PDE3B: variants seen among roughly 807,000 people sequenced by gnomAD.
PDE3B encodes the protein phosphodiesterase 3B, also known as cGMP-inhibited 3',5'-cyclic phosphodiesterase 3B.
PDE3B carries 66 observed loss-of-function variants against 116.8 expected under a neutral mutation model. The observed-to-expected ratio is 0.56, with a 90% CI of 0.46 to 0.69. The LOEUF (loss-of-function observed/expected upper bound fraction) is 0.69. Ranked by LOEUF, PDE3B falls within the 30% of genes least tolerant of loss-of-function variation. The probability of loss-of-function intolerance (pLI) is 0.00; values close to 1 mark genes in which losing one functional copy is unlikely to be tolerated. For synonymous variants in PDE3B, 595 were observed against 533.6 expected (o/e 1.12, Z -1.59); for missense variants, 1,384 against 1,368.1 (o/e 1.01, Z -0.18).
chr11:14,849,607 C>T (rs1460545093), intron 12 of PDE3B, among the ~76,000 whole-genome samples: 5 of 152,136 alleles, frequency 3.3e-5, no homozygotes, highest in Non-Finnish European at 4.4e-5. Context: ...GGATTAATAT[C>T]CAGAATCTAC....
the PDE3B span, among the ~76,000 whole-genome samples, chr11:14,895,011 CAG>C: frequency 6.6e-6 from 1 of 152,208 alleles, no homozygotes; most frequent in Non-Finnish European, 1.5e-5. Context: ...ATGGTTCTAA[CAG>C]AGAACAGCAA....
chr11:14,669,040 T>G (rs547633014), intron 1 of PDE3B, among the ~76,000 whole-genome samples: 17 of 152,158 alleles, frequency 1.1e-4, no homozygotes, highest in African/African-American at 3.9e-4. Flanking sequence ...GAAGGAATGA[T>G]TTATAAAAGA....
At position 14,728,960 on chromosome 11, in the gene PDE3B, A is replaced by G. The variant is rs1856388034; in HGVS notation, c.979-42977A>G. Among the ~76,000 whole-genome samples, 6 of 152,282 alleles carry G rather than the reference A, an allele frequency of 3.9e-5. No individual in the cohort carries two copies. The South Asian group carries it at 1.2e-3, about 32-fold the overall frequency. On this transcript the variant is annotated intron_variant, in intron 1 of 15. Coordinates refer to ENST00000282096, the MANE Select transcript of PDE3B (RefSeq NM_000922.4). ...ATTTGAAAGCTTAGACAGCTTTTAT[A>G]GCAGTTTGCTTCCAGACCATGCTCA...
At chr11:14,881,337 A>C in the PDE3B span, among the ~76,000 whole-genome samples, 2 of 152,232 alleles carry the variant, frequency 1.3e-5, no homozygotes, top group Admixed American at 6.5e-5. Context: ...CATGAAGCTC[A>C]AACTTTTCTA....
intron 1 of PDE3B, among the ~76,000 whole-genome samples, chr11:14,735,006 C>CT (rs1856559793): frequency 6.6e-6 from 1 of 152,172 alleles, no homozygotes; most frequent in South Asian, 2.1e-4. Context: ...GGTTATGTCT[C>CT]TTTCATCTCT....
chr11:14,755,779 C>T (rs1374714548), intron 1 of PDE3B, among the ~76,000 whole-genome samples: 3 of 152,022 alleles, frequency 2.0e-5, no homozygotes, highest in Non-Finnish European at 4.4e-5. Flanking sequence ...TACTAGGTAC[C>T]TACATAATAA....
At chr11:14,661,612 C>T (rs1443207035) in intron 1 of PDE3B, among the ~76,000 whole-genome samples, 4 of 152,218 alleles carry the variant, frequency 2.6e-5, no homozygotes, top group South Asian at 2.1e-4. Context: ...CCTAATACTG[C>T]GCTTTTCCGA....
intron 1 of PDE3B, among the ~76,000 whole-genome samples, chr11:14,712,495 G>C (rs925780174): frequency 1.1e-4 from 8 of 72,116 alleles, no homozygotes; most frequent in African/African-American, 4.6e-4. Context: ...TTTTTTTTGA[G>C]ATGGAGTCTT....
chr11:14,688,476 C>G (rs1461077480), intron 1 of PDE3B, among the ~76,000 whole-genome samples: 3 of 152,004 alleles, frequency 2.0e-5, no homozygotes. Flanking sequence ...TACAATGAGG[C>G]CTTTCAGTGG....
At chr11:14,724,883 T>C (rs954140188) in intron 1 of PDE3B, among the ~76,000 whole-genome samples, 4 of 152,196 alleles carry the variant, frequency 2.6e-5, no homozygotes, top group Admixed American at 2.0e-4. Flanking sequence ...TCAACAGATA[T>C]TTATCAAGTG....
rs78791515 is a variant in PDE3B, at chr11:14,651,543, G to C, written c.978+6490G>C. Among the ~76,000 whole-genome samples, 19 of 152,286 alleles carry C rather than the reference G, an allele frequency of 1.2e-4. No homozygotes were observed. The East Asian group carries it at 3.7e-3, about 29-fold the overall frequency. On this transcript the variant is annotated intron_variant, in intron 1 of 15. Coordinates refer to ENST00000282096, the MANE Select transcript of PDE3B (RefSeq NM_000922.4). The stretch of plus-strand genomic sequence containing the variant: ...ACATTTATATTTTTGCTATCAGTGA[G>C]TAAGAATGCCCCTGGATCCACATTC...
intron 4 of PDE3B, among the ~76,000 whole-genome samples, chr11:14,790,854 C>T (rs1029065701): frequency 1.3e-5 from 2 of 151,932 alleles, no homozygotes; most frequent in African/African-American, 4.8e-5. Flanking sequence ...AGGTGGGTTA[C>T]GATGGGAATA....
intron 1 of PDE3B, among the ~76,000 whole-genome samples, chr11:14,723,761 CA>C (rs545941260): frequency 1.8e-4 from 24 of 130,578 alleles, no homozygotes; most frequent in East Asian, 6.6e-4. Flanking sequence ...GACTCCATCT[CA>C]AAAAAAAAAA....
intron 1 of PDE3B, among the ~76,000 whole-genome samples, chr11:14,739,313 C>T (rs1159015611): frequency 1.3e-5 from 2 of 152,136 alleles, no homozygotes; most frequent in Non-Finnish European, 2.9e-5. Context: ...TGAAGAGGTC[C>T]TTCACATCCC....
At chr11:14,880,381 A>G in the PDE3B span, 1 of 1,613,324 alleles carries the variant, frequency 6.2e-7, no homozygotes, top group African/African-American at 1.3e-5. Flanking sequence ...ATCATAGACT[A>G]CAGCTGCATT....
At chr11:14,696,186 T>G (rs1046865351) in intron 1 of PDE3B, among the ~76,000 whole-genome samples, 4 of 152,332 alleles carry the variant, frequency 2.6e-5, no homozygotes, top group African/African-American at 7.2e-5. Flanking sequence ...TCTTGACTTT[T>G]TAAATAACCA....
At chr11:14,746,186 G>A (rs1856905819) in intron 1 of PDE3B, among the ~76,000 whole-genome samples, 2 of 152,152 alleles carry the variant, frequency 1.3e-5, no homozygotes, top group African/African-American at 2.4e-5. Context: ...TTAAGGTCAG[G>A]AGTTCGTGAC....
chr11:14,660,519 G>A (rs969979002), intron 1 of PDE3B, among the ~76,000 whole-genome samples: 5 of 151,840 alleles, frequency 3.3e-5, no homozygotes, highest in African/African-American at 9.7e-5. Flanking sequence ...GCCCACGCTG[G>A]TCTTGAACTC....
intron 12 of PDE3B, among the ~76,000 whole-genome samples, chr11:14,853,468 A>G (rs2133984595): frequency 6.6e-6 from 1 of 152,308 alleles, no homozygotes; most frequent in Admixed American, 6.5e-5. Context: ...TGTGCTTCCC[A>G]AAGTAACGAA....
Sources: gnomAD v4.1 joint callset for allele counts (sites outside exome capture counted in the v4.1 genomes callset) on GRCh38, gnomAD v4.1.1 for gene constraint, MANE v1.5 for transcripts, NCBI Gene and HGNC (gene_info 2026-07-23, HGNC 2026-07-21) for gene names.